CMKLR1: variants seen among roughly 807,000 people sequenced by gnomAD.
CMKLR1 encodes chemerin-like receptor 1.
Under a neutral mutation model 8.2 loss-of-function variants are expected in CMKLR1, and 6 were observed. The observed-to-expected ratio is 0.73, with a 90% CI of 0.40 to 1.44. The LOEUF (loss-of-function observed/expected upper bound fraction) is 1.44, where lower values mean the gene tolerates loss of function less well. CMKLR1 is among the 40% of genes most tolerant of loss of function. The pLI, the probability that CMKLR1 is intolerant of heterozygous loss-of-function variation, is 0.02. For missense variants in CMKLR1, 429 were observed against 478.0 expected (o/e 0.90, Z 0.96); for synonymous variants, 178 against 181.2 (o/e 0.98, Z 0.14).
chr12:108,336,153 G>A (rs1892216100), intron 1 of CMKLR1, among the ~76,000 whole-genome samples: 1 of 152,214 alleles, frequency 6.6e-6, no homozygotes, highest in South Asian at 2.1e-4. Flanking sequence ...TAGTTCTCAA[G>A]TTTTGGGGTG....
intron 2 of CMKLR1, among the ~76,000 whole-genome samples, chr12:108,307,057 C>T (rs1225786725): frequency 6.6e-6 from 1 of 152,210 alleles, no homozygotes; most frequent in Non-Finnish European, 1.5e-5. Flanking sequence ...GGCCTGTAAA[C>T]AAATTTTCTC....
chr12:108,321,221 T>G (rs1211290112), intron 2 of CMKLR1, among the ~76,000 whole-genome samples: 1 of 152,194 alleles, frequency 6.6e-6, no homozygotes, highest in African/African-American at 2.4e-5. Flanking sequence ...GTGAGGCACT[T>G]GCCTTGAGTG....
At chr12:108,300,792 G>A (rs1891246913) in intron 2 of CMKLR1, among the ~76,000 whole-genome samples, 1 of 152,208 alleles carries the variant, frequency 6.6e-6, no homozygotes. Context: ...AGCATTTGCA[G>A]CACTGCCTAG....
chr12:108,320,839 A>C (rs1291172037), intron 2 of CMKLR1, among the ~76,000 whole-genome samples: 2 of 152,238 alleles, frequency 1.3e-5, no homozygotes, highest in Non-Finnish European at 2.9e-5. Context: ...CCATATTCAA[A>C]GAAACACAGT....
At chr12:108,328,520 C>T (rs545716752) in intron 2 of CMKLR1, among the ~76,000 whole-genome samples, 6 of 152,332 alleles carry the variant, frequency 3.9e-5, no homozygotes, top group Admixed American at 6.5e-5. Context: ...CCAGCCAGCA[C>T]GTGGCTGAAA....
chr12:108,329,601 T>C (rs1892057372), intron 2 of CMKLR1, among the ~76,000 whole-genome samples: 2 of 152,176 alleles, frequency 1.3e-5, no homozygotes, highest in South Asian at 4.2e-4. Context: ...AGTCACTTAC[T>C]GTTCTGAATG....
chr12:108,310,745 C>G (rs369606579), intron 2 of CMKLR1, among the ~76,000 whole-genome samples: 1 of 152,268 alleles, frequency 6.6e-6, no homozygotes, highest in South Asian at 2.1e-4. Context: ...CATCTTCCCC[C>G]GGAGTCCATG....
Position 108,322,402 on chromosome 12 carries a change from T to C in CMKLR1, c.-74+7593A>G, listed in dbSNP as rs1891882616. Among the ~76,000 whole-genome samples, 4 of 152,324 alleles carry C rather than the reference T, an allele frequency of 2.6e-5. No individual in the cohort carries two copies. In the South Asian group the frequency reaches 8.3e-4, roughly 32 times the overall value. The stretch of plus-strand genomic sequence containing the variant: ...CCACACAGTGCCTGAGTTTCCACCA[T>C]CACAGCTTTAAATCCCAACTCAGTT... On this transcript the variant is annotated intron_variant, in intron 2 of 3. Transcript: ENST00000550402.
chr12:108,295,749 AG>A (rs1424092125), intron 2 of CMKLR1, among the ~76,000 whole-genome samples: 5 of 152,218 alleles, frequency 3.3e-5, no homozygotes, highest in Admixed American at 6.5e-5. Context: ...TGGGTGTGTG[AG>A]TCCCGAGAGG....
At chr12:108,322,901 C>T (rs1388739040) in intron 2 of CMKLR1, among the ~76,000 whole-genome samples, 3 of 152,216 alleles carry the variant, frequency 2.0e-5, no homozygotes, top group African/African-American at 7.2e-5. Flanking sequence ...CATCCAATTG[C>T]CACAGCTGGG....
chr12:108,339,018 T>G lies in CMKLR1; in HGVS notation c.-287+9A>C, dbSNP rs1028209280. 2.0e-5 allele frequency: 3 copies of G among 152,222 alleles called. No homozygotes were observed. Among genetic ancestry groups the G allele is most frequent in the Non-Finnish European group, 1.5e-5 (1 of 68,046 alleles). 9.4% of individuals were successfully genotyped at this position (152,222 alleles called of 1,614,324 possible). On this transcript the variant is annotated intron_variant, in intron 1 of 3. Coordinates refer to ENST00000550402, the MANE Select transcript of CMKLR1 (RefSeq NM_001142343.2). ...TCAGAAGACACCCAAGGCAAGTGTG[T>G]GATGATACCTTCCCTCTGGTCTCTG...
intron 2 of CMKLR1, among the ~76,000 whole-genome samples, chr12:108,306,925 TC>T (rs1891422926): frequency 6.6e-6 from 1 of 152,278 alleles, no homozygotes; most frequent in East Asian, 1.9e-4. Flanking sequence ...TGGACATCTG[TC>T]CTTCCAGGCC....
In CMKLR1 at chr12:108,333,446, G is replaced by A. The variant is rs184188942; in HGVS notation, c.-286-3239C>T. Among the ~76,000 whole-genome samples the A allele has an allele frequency of 5.8e-4, 89 of 152,212 alleles. No homozygotes were observed. The East Asian group carries it at 0.012, about 20-fold the overall frequency. Reference sequence around the variant, plus strand: ...AGCCCAAATGACATTTTCCAGTCTGGGAACCCAAGATCACAAGGCACCAGA... The same window carrying A: ...AGCCCAAATGACATTTTCCAGTCTGAGAACCCAAGATCACAAGGCACCAGA... On this transcript the variant is annotated intron_variant, in intron 1 of 3. Transcript: ENST00000550402.
chr12:108,336,776 T>C (rs1427828177), intron 1 of CMKLR1, among the ~76,000 whole-genome samples: 1 of 152,230 alleles, frequency 6.6e-6, no homozygotes, highest in African/African-American at 2.4e-5. Context: ...TCCATTTGGC[T>C]CAGATGAGTG....
At position 108,288,914 on chromosome 12, in the gene CMKLR1, C is replaced by T. The variant is rs1046853562; in HGVS notation, c.*2927G>A. 6.6e-6 allele frequency: 1 copy of T among 151,996 alleles called. No individual in the cohort carries two copies. Among genetic ancestry groups the T allele is most frequent in the Non-Finnish European group, 1.5e-5 (1 of 68,076 alleles). The allele number at this position is 151,996 out of a possible 1,614,324, so 9.4% of individuals were successfully genotyped here. On this transcript the variant is annotated 3_prime_UTR_variant, in exon 4 of 4. Transcript: ENST00000550402. ...ACCTCACTAGCTGTGCAACTCTGAA[C>T]TAGTGAAGTCTGTTCTTGAAACAGA...
At chr12:108,308,463 C>T (rs953797588) in intron 2 of CMKLR1, among the ~76,000 whole-genome samples, 1 of 151,440 alleles carries the variant, frequency 6.6e-6, no homozygotes, top group Non-Finnish European at 1.5e-5. Context: ...CCGCCCGGAC[C>T]TCTCGCTGGC....
intron 2 of CMKLR1, among the ~76,000 whole-genome samples, chr12:108,300,011 T>C (rs1170116833): frequency 6.6e-6 from 1 of 152,244 alleles, no homozygotes; most frequent in Non-Finnish European, 1.5e-5. Context: ...TGCATCTGAT[T>C]AGATAACAAG....
chr12:108,329,963 ACT>A (rs1892066876), intron 2 of CMKLR1, 30 bp downstream of exon 2: 1 of 151,868 alleles, frequency 6.6e-6, no homozygotes, highest in Non-Finnish European at 1.5e-5. Context: ...TTAAAGATAG[ACT>A]CTAACATCCC....
chr12:108,296,712 G>C (rs1474864783), intron 2 of CMKLR1, among the ~76,000 whole-genome samples: 3 of 152,142 alleles, frequency 2.0e-5, no homozygotes, highest in Admixed American at 6.5e-5. Context: ...TGTAATCCCA[G>C]CTACTCAGGA....
Sources: gnomAD v4.1 joint callset for allele counts (sites outside exome capture counted in the v4.1 genomes callset) on GRCh38, gnomAD v4.1.1 for gene constraint, MANE v1.5 for transcripts, NCBI Gene and HGNC (gene_info 2026-07-23, HGNC 2026-07-21) for gene names.